SNX29: variants seen among roughly 807,000 people sequenced by gnomAD.
The protein encoded by SNX29 is sorting nexin 29, also known as sorting nexin-29.
Under a neutral mutation model 102.1 loss-of-function variants are expected in SNX29, and 78 were observed. The observed-to-expected ratio is 0.76, with a 90% confidence interval of 0.64 to 0.92. The LOEUF (loss-of-function observed/expected upper bound fraction) is 0.92. Among genes scored for constraint, SNX29 ranks in the 40% least tolerant of loss-of-function variants. The probability of loss-of-function intolerance (pLI) is 0.00; values close to 1 mark genes in which losing one functional copy is unlikely to be tolerated. For synonymous variants in SNX29, 580 were observed against 414.5 expected (o/e 1.40, Z -4.85); for missense variants, 1,280 against 1,061.7 (o/e 1.21, Z -2.86).
chr16:12,562,345 T>C (rs1352462660), intron 20 of SNX29, among the ~76,000 whole-genome samples: 3 of 151,600 alleles, frequency 2.0e-5, no homozygotes, highest in Non-Finnish European at 4.4e-5. Flanking sequence ...TTCTGTGATT[T>C]CCCCCTTTAT....
At chr16:12,485,882 G>C (rs2088204849) in intron 19 of SNX29, among the ~76,000 whole-genome samples, 1 of 152,162 alleles carries the variant, frequency 6.6e-6, no homozygotes, top group Admixed American at 6.5e-5. Flanking sequence ...GGGGCCACAG[G>C]GCTCCCAGCC....
chr16:12,321,682 C>T (rs576715843), intron 15 of SNX29, among the ~76,000 whole-genome samples: 1 of 152,242 alleles, frequency 6.6e-6, no homozygotes, highest in South Asian at 2.1e-4. Context: ...GTAAGTGGGC[C>T]TCCAACCAGC....
intron 13 of SNX29, among the ~76,000 whole-genome samples, chr16:12,167,720 A>G (rs902143934): frequency 6.6e-6 from 1 of 152,244 alleles, no homozygotes; most frequent in African/African-American, 2.4e-5. Context: ...CAAAGAAGTC[A>G]TCACTTGTTG....
At chr16:12,282,146 G>T (rs888646749) in intron 15 of SNX29, among the ~76,000 whole-genome samples, 12 of 147,128 alleles carry the variant, frequency 8.2e-5, no homozygotes, top group African/African-American at 2.3e-4. Context: ...TTGAGCACCA[G>T]AGTGCAAACC....
At chr16:12,118,270 T>G (rs989880932) in intron 11 of SNX29, among the ~76,000 whole-genome samples, 1 of 149,418 alleles carries the variant, frequency 6.7e-6, no homozygotes, top group African/African-American at 2.5e-5. Flanking sequence ...GTGCTCATGA[T>G]GCCTTTTAAA....
chr16:12,490,352 T>G (rs1404661963), intron 19 of SNX29, among the ~76,000 whole-genome samples: 5 of 152,248 alleles, frequency 3.3e-5, no homozygotes, highest in African/African-American at 1.2e-4. Flanking sequence ...TCTGTGAGCT[T>G]CCTCCATGTT....
intron 11 of SNX29, among the ~76,000 whole-genome samples, chr16:12,100,761 T>A (rs1294404888): frequency 9.2e-5 from 14 of 151,398 alleles, no homozygotes; most frequent in Admixed American, 9.2e-4. Context: ...GGCCTCAGCT[T>A]TCACCCTGAG....
chr16:12,438,962 G>A (rs1319529832), intron 18 of SNX29, among the ~76,000 whole-genome samples: 1 of 152,222 alleles, frequency 6.6e-6, no homozygotes, highest in Non-Finnish European at 1.5e-5. Context: ...AGGGTAGAGA[G>A]GAAGGCACCG....
rs975279118 is a variant in SNX29, at chr16:12,554,756, G to T, written c.2319-13750G>T. On this transcript the variant is annotated intron_variant, in intron 20 of 20. Transcript: ENST00000566228. ...GTTTGCATTTTCCTTAAGTGTATTA[G>T]AACGTGCTCTCTCCCCCGCCATAGA... Among the ~76,000 whole-genome samples the T allele has an allele frequency of 8.6e-5, 13 of 152,012 alleles. No individual in the cohort carries two copies. In the South Asian group the frequency reaches 2.5e-3, roughly 29 times the overall value.
intron 20 of SNX29, among the ~76,000 whole-genome samples, chr16:12,560,460 C>T (rs1019562414): frequency 6.6e-6 from 1 of 152,168 alleles, no homozygotes; most frequent in Non-Finnish European, 1.5e-5. Flanking sequence ...CTTTTGGGTT[C>T]TTGCCTGGGA....
chr16:12,135,436 T>G (rs961835057), intron 13 of SNX29: 97 of 1,113,492 alleles, frequency 8.7e-5, no homozygotes, highest in Non-Finnish European at 1.2e-4. Flanking sequence ...GTTGGGTTGC[T>G]CCATCCATGA....
intron 15 of SNX29, among the ~76,000 whole-genome samples, chr16:12,321,520 T>G (rs2080929713): frequency 6.6e-6 from 1 of 152,156 alleles, no homozygotes; most frequent in African/African-American, 2.4e-5. Flanking sequence ...CCGTGGAACA[T>G]TGTTGCAGAG....
chr16:12,207,621 C>T (rs549539329), intron 14 of SNX29, among the ~76,000 whole-genome samples: 6 of 152,256 alleles, frequency 3.9e-5, no homozygotes, highest in East Asian at 1.9e-4. Flanking sequence ...AAACACTTTA[C>T]GACCCCACTC....
chr16:12,418,255 G>A (rs993362326), intron 18 of SNX29, among the ~76,000 whole-genome samples: 3 of 152,126 alleles, frequency 2.0e-5, no homozygotes, highest in South Asian at 2.1e-4. Flanking sequence ...ACCAATTGCC[G>A]CAAAACCGTT....
chr16:12,562,685 C>T (rs1218708956), intron 20 of SNX29, among the ~76,000 whole-genome samples: 1 of 152,162 alleles, frequency 6.6e-6, no homozygotes, highest in Non-Finnish European at 1.5e-5. Flanking sequence ...ACAGGCACTG[C>T]CTTCTTTGGA....
chr16:12,298,782 G>C (rs2080065191), intron 15 of SNX29, among the ~76,000 whole-genome samples: 1 of 152,142 alleles, frequency 6.6e-6, no homozygotes, highest in African/African-American at 2.4e-5. Flanking sequence ...GGGCCCAGGG[G>C]TGACGATGTG....
chr16:12,339,051 A>G (rs1396503115), intron 15 of SNX29, among the ~76,000 whole-genome samples: 1 of 152,046 alleles, frequency 6.6e-6, no homozygotes, highest in Non-Finnish European at 1.5e-5. Flanking sequence ...GTGGAAAGAG[A>G]CCTGCGCCAT....
chr16:12,571,354 A>G lies in SNX29; in HGVS notation c.*2725A>G, dbSNP rs906972724. 3.9e-5 allele frequency: 9 copies of G among 231,374 alleles called. No homozygotes were observed. In the Admixed American group the frequency reaches 4.0e-4, roughly 10 times the overall value. The allele number at this position is 231,374 out of a possible 1,614,324, so 14.3% of individuals were successfully genotyped here. ...ATTCAATTCTGAGGGCTAAGCCACG[A>G]CCTTATCCATGAGTGGCGAAGACAC... On this transcript the variant is annotated 3_prime_UTR_variant, in exon 21 of 21. Transcript: ENST00000566228.
intron 13 of SNX29, chr16:12,135,699 T>C: frequency 3.9e-6 from 4 of 1,032,292 alleles, no homozygotes; most frequent in Non-Finnish European, 5.3e-6. Flanking sequence ...CTCTGGACTT[T>C]TCATGTATGT....
Sources: gnomAD v4.1 joint callset for allele counts (sites outside exome capture counted in the v4.1 genomes callset) on GRCh38, gnomAD v4.1.1 for gene constraint, MANE v1.5 for transcripts, NCBI Gene and HGNC (gene_info 2026-07-23, HGNC 2026-07-21) for gene names.